Variants in RAB11FIP4 observed in about 807,000 individuals in gnomAD.
RAB11FIP4 encodes RAB11 family interacting protein 4.
Under a neutral mutation model 74.3 loss-of-function variants are expected in RAB11FIP4, and 23 were observed. The observed-to-expected ratio is 0.31, with a 90% CI of 0.22 to 0.44. RAB11FIP4 has a LOEUF of 0.44. Among genes scored for constraint, RAB11FIP4 ranks in the 20% least tolerant of loss-of-function variants. The probability of loss-of-function intolerance (pLI) is 1.00; values close to 1 mark genes in which losing one functional copy is unlikely to be tolerated. For synonymous variants in RAB11FIP4, 360 were observed against 359.9 expected (o/e 1.00, Z 0.00); for missense variants, 630 against 863.9 (o/e 0.73, Z 3.39).
At chr17:31,483,611 G>C (rs942773719) in intron 3 of RAB11FIP4, among the ~76,000 whole-genome samples, 2 of 152,174 alleles carry the variant, frequency 1.3e-5, no homozygotes, top group Non-Finnish European at 2.9e-5. Context: ...AGTCTCCACA[G>C]AACCCTGAGG....
intron 3 of RAB11FIP4, among the ~76,000 whole-genome samples, chr17:31,467,165 T>G (rs2071693953): frequency 6.6e-6 from 1 of 152,064 alleles, no homozygotes. Context: ...CAGGCTGGAG[T>G]GCAGTGGCAT....
At chr17:31,498,351 A>G (rs2072156234) in intron 3 of RAB11FIP4, among the ~76,000 whole-genome samples, 1 of 152,228 alleles carries the variant, frequency 6.6e-6, no homozygotes, top group Admixed American at 6.5e-5. Flanking sequence ...AGCTGGGTCT[A>G]GCAAAGGCCA....
chr17:31,524,501 G>C (rs1317008810), intron 9 of RAB11FIP4: 1 of 170,408 alleles, frequency 5.9e-6, no homozygotes, highest in Non-Finnish European at 1.3e-5. Context: ...CCCTGGCCAG[G>C]GGTCCGGTCC....
intron 1 of RAB11FIP4, among the ~76,000 whole-genome samples, chr17:31,427,342 C>T (rs138068951): frequency 2.1e-3 from 316 of 152,312 alleles, no homozygotes; most frequent in African/African-American, 7.4e-3. Flanking sequence ...GAGGTCACAG[C>T]CTGGGGTGTG....
At chr17:31,517,191 C>CGGGGGGGGGGGGGGGGGGGGGGGGGG (rs537395833) in intron 3 of RAB11FIP4, among the ~76,000 whole-genome samples, 1 of 42,700 alleles carries the variant, frequency 2.3e-5, no homozygotes. Context: ...GGAGGCGGTG[C>CGGGGGGGGGGGGGGGGGGGGGGGGGG]GGGGGGGGGG....
At chr17:31,488,053 C>A in intron 3 of RAB11FIP4, 5 of 1,016,088 alleles carry the variant, frequency 4.9e-6, no homozygotes, top group Non-Finnish European at 5.9e-6. Flanking sequence ...ATACAAAGAG[C>A]CCTTCGGCCC....
At chr17:31,489,812 G>A (rs2071972321) in intron 3 of RAB11FIP4, among the ~76,000 whole-genome samples, 2 of 152,098 alleles carry the variant, frequency 1.3e-5, no homozygotes, top group African/African-American at 4.8e-5. Context: ...AATGCGTAGT[G>A]GAGAACAGCT....
At chr17:31,419,133 G>T (rs1392714726) in intron 1 of RAB11FIP4, among the ~76,000 whole-genome samples, 1 of 152,166 alleles carries the variant, frequency 6.6e-6, no homozygotes, top group Admixed American at 6.6e-5. Context: ...GAGACACTGG[G>T]GATGTTTCTA....
At chr17:31,472,666 A>T (rs2142729867) in intron 3 of RAB11FIP4, among the ~76,000 whole-genome samples, 1 of 152,170 alleles carries the variant, frequency 6.6e-6, no homozygotes, top group South Asian at 2.1e-4. Context: ...GAAGACAGGG[A>T]TGGCCATGGT....
chr17:31,407,040 ATTTTT>A (rs59919036), intron 1 of RAB11FIP4, among the ~76,000 whole-genome samples: 9 of 51,212 alleles, frequency 1.8e-4, no homozygotes, highest in South Asian at 9.6e-4. Flanking sequence ...GTTTCACTTG[ATTTTT>A]TTTTTTTTTT....
At chr17:31,414,507 G>A (rs569629089) in intron 1 of RAB11FIP4, among the ~76,000 whole-genome samples, 3 of 152,338 alleles carry the variant, frequency 2.0e-5, no homozygotes, top group African/African-American at 7.2e-5. Flanking sequence ...AGCCCTTGTG[G>A]GTGGCCGGAG....
At position 31,536,599 on chromosome 17, in the gene RAB11FIP4, T is replaced by A. The variant is rs141185621; in HGVS notation, c.*4867T>A. 88 of 167,848 alleles carry A rather than the reference T, an allele frequency of 5.2e-4. No individual in the cohort carries two copies. The East Asian group carries it at 0.01, about 19-fold the overall frequency. The allele number at this position is 167,848 out of a possible 1,614,324, so 10.4% of individuals were successfully genotyped here. A position where few individuals can be genotyped will look rare whatever the true frequency, so the allele number is the denominator to read the frequency against. ...ACGCTGCTGGCTAGGAAGACTGAGG[T>A]CTGCTGCGCCAAGGGGCCTCAAGTT... is the stretch of plus-strand genomic sequence containing the variant. On this transcript the variant is annotated 3_prime_UTR_variant, in exon 15 of 15. Transcript: ENST00000621161.
intron 14 of RAB11FIP4, 69 bp downstream of exon 14, chr17:31,530,538 C>A: frequency 6.3e-7 from 1 of 1,575,102 alleles, no homozygotes; most frequent in Non-Finnish European, 8.6e-7. Flanking sequence ...CGGCCCCCAC[C>A]TGCCCAGAGT....
chr17:31,531,818 ACACT>A lies in RAB11FIP4; in HGVS notation c.*90_*93del. 1 of 822,528 alleles carries A rather than the reference ACACT, an allele frequency of 1.2e-6. No homozygotes were observed. The highest frequency in any genetic ancestry group is 1.5e-5 in the South Asian group (1 of 68,640). 51.0% of individuals were successfully genotyped at this position (822,528 alleles called of 1,614,324 possible). A position where few individuals can be genotyped will look rare whatever the true frequency, so the allele number is the denominator to read the frequency against. On this transcript the variant is annotated 3_prime_UTR_variant, in exon 15 of 15. Transcript: ENST00000621161. ...AGGATGCAGGCCTAAGCCGGGCCTC[ACACT>A]CACACTGTAAATGTCTCTCTGGCCA...
chr17:31,459,372 G>A (rs1235052016), intron 3 of RAB11FIP4, among the ~76,000 whole-genome samples: 2 of 152,082 alleles, frequency 1.3e-5, no homozygotes, highest in Non-Finnish European at 2.9e-5. Context: ...GGGGTAAAAT[G>A]CCCATCAGGT....
intron 3 of RAB11FIP4, among the ~76,000 whole-genome samples, chr17:31,453,105 CTT>C (rs1214328211): frequency 2.0e-5 from 3 of 152,120 alleles, no homozygotes; most frequent in Non-Finnish European, 4.4e-5. Flanking sequence ...AATTCCAACA[CTT>C]TGGGAGGCCA....
chr17:31,524,976 T>C, intron 9 of RAB11FIP4, 114 bp from the exon 10 acceptor site: 4 of 1,294,200 alleles, frequency 3.1e-6, no homozygotes, highest in Non-Finnish European at 4.3e-6. Context: ...CCACACGCCC[T>C]CAGTGGACAT....
rs143898416 is a variant in RAB11FIP4 at position 31,456,191 on chromosome 17, C to T, written c.336+22069C>T. ...AGAATTGCTACAGGAAACCTTACAG[C>T]TGATTTGTCATCCTGTGTACTCTTT... is the stretch of plus-strand genomic sequence containing the variant. On this transcript the variant is annotated intron_variant, in intron 3 of 14. Coordinates refer to ENST00000621161, the MANE Select transcript of RAB11FIP4 (RefSeq NM_032932.6). 7.1e-3 allele frequency among the ~76,000 whole-genome samples: 1,082 copies of T among 152,306 alleles called. 10 individuals carry two copies. Among genetic ancestry groups the T allele is most frequent in the African/African-American group, 0.025 (1,022 of 41,576 alleles).
intron 1 of RAB11FIP4, among the ~76,000 whole-genome samples, chr17:31,414,932 T>A (rs563294072): frequency 1.3e-5 from 2 of 152,218 alleles, no homozygotes; most frequent in Non-Finnish European, 2.9e-5. Flanking sequence ...GGCTGGTTCC[T>A]CAGGGGCTCA....
Sources: allele counts gnomAD v4.1 joint callset (sites outside exome capture counted in the v4.1 genomes callset), GRCh38; gene constraint gnomAD v4.1.1; transcripts MANE v1.5; gene names NCBI Gene and HGNC (gene_info 2026-07-23, HGNC 2026-07-21).